The following ERGIC1 variants were observed in gnomAD, a reference collection of about 807,000 sequenced individuals.
The protein encoded by ERGIC1 is endoplasmic reticulum-golgi intermediate compartment 1.
Under a neutral mutation model 38.3 loss-of-function variants are expected in ERGIC1, and 19 were observed. The observed-to-expected ratio is 0.50, with a 90% CI of 0.35 to 0.73. ERGIC1 has a LOEUF of 0.73. Among genes scored for constraint, ERGIC1 ranks in the 30% least tolerant of loss-of-function variants. The pLI is 0.01. For missense variants in ERGIC1, 294 were observed against 389.2 expected, an observed-to-expected ratio of 0.76 and a Z score of 2.06; for synonymous variants, 124 against 157.6, an observed-to-expected ratio of 0.79 and a Z score of 1.60.
At position 172,897,025 on chromosome 5, in the gene ERGIC1, ATCCTCT is replaced by A. The variant is rs1455122830; in HGVS notation, c.119_124del (p.Phe40_Leu41del). On this transcript the variant is annotated inframe_deletion, in exon 3 of 10. Transcript: ENST00000393784. ...AGTCTCCATCTGCTGCTGCCTCTTC[ATCCTCT>A]TCCTCTTCCTCTCGGAGCTCACCGG... 8 of 1,613,826 alleles carry A rather than the reference ATCCTCT, an allele frequency of 5.0e-6. No homozygotes were observed. The highest frequency in any genetic ancestry group is 6.8e-6 in the Non-Finnish European group (8 of 1,179,972).
chr5:172,939,393 T>A (rs1489278850), intron 9 of ERGIC1, among the ~76,000 whole-genome samples: 1 of 152,240 alleles, frequency 6.6e-6, no homozygotes, highest in African/African-American at 2.4e-5. Flanking sequence ...GGAAAGGGAA[T>A]GCTATGCGCA....
chr5:172,867,321 A>G (rs1445379628), intron 1 of ERGIC1: 1 of 420,738 alleles, frequency 2.4e-6, no homozygotes, highest in Non-Finnish European at 4.9e-6. Flanking sequence ...TCCAGTTTGG[A>G]TGAAAGGCCA....
chr5:172,904,782 C>G (rs548877652), intron 3 of ERGIC1, among the ~76,000 whole-genome samples: 2 of 152,084 alleles, frequency 1.3e-5, no homozygotes, highest in Non-Finnish European at 2.9e-5. Context: ...GCCTTGGACA[C>G]GAAGGCGAAG....
At chr5:172,838,235 G>T (rs1327633733) in intron 1 of ERGIC1, among the ~76,000 whole-genome samples, 1 of 152,196 alleles carries the variant, frequency 6.6e-6, no homozygotes, top group African/African-American at 2.4e-5. Flanking sequence ...GCAGGATGAG[G>T]CCCATAATTT....
rs1181268643 is a variant in ERGIC1 at position 172,897,035 on chromosome 5, T to C, written c.116T>C (p.Leu39Pro). 1.2e-6 allele frequency: 2 copies of C among 1,614,182 alleles called. No individual in the cohort carries two copies. The highest frequency in any genetic ancestry group is 1.7e-6 in the Non-Finnish European group (2 of 1,180,020). ...TGCTGCTGCCTCTTCATCCTCTTCC[T>C]CTTCCTCTCGGAGCTCACCGGATTT... ...SICCCLFILF[L>P]FLSELTGFIT... The change falls in exon 3 of 10, where the codon CTC becomes CCC. Residue 39 changes from leucine (L) to proline (P), a missense_variant. By Grantham distance (98) the Leu-to-Pro change is moderately conservative (BLOSUM62 -3). Coordinates refer to ENST00000393784, the MANE Select transcript of ERGIC1 (RefSeq NM_001031711.3).
Position 172,949,333 on chromosome 5 carries a change from G to A in ERGIC1, c.766-1376G>A, listed in dbSNP as rs149982912. On this transcript the variant is annotated intron_variant, in intron 9 of 9. Coordinates refer to ENST00000393784, the MANE Select transcript of ERGIC1 (RefSeq NM_001031711.3). ...TCAGCCACTTGCTGTGGCATTGGAC[G>A]AGGGATTCAGGGTCTCTGTGCCTCA... Among the ~76,000 whole-genome samples the A allele has an allele frequency of 1.4e-4, 21 of 152,282 alleles. No individual in the cohort carries two copies. The East Asian group carries it at 3.5e-3, about 25-fold the overall frequency.
rs1222126242 is a variant in ERGIC1, at chr5:172,938,767, A to G, written c.765+3457A>G. Among the ~76,000 whole-genome samples the G allele has an allele frequency of 5.5e-5, 8 of 144,640 alleles. No homozygotes were observed. The Admixed American group carries it at 5.6e-4, about 10-fold the overall frequency. The allele number at this position is 144,640 out of a possible 152,430, so 94.9% of individuals were successfully genotyped here. On this transcript the variant is annotated intron_variant, in intron 9 of 9. Coordinates refer to ENST00000393784, the MANE Select transcript of ERGIC1 (RefSeq NM_001031711.3). ...GACTCTATCTCAAAAAAAAAAAGAAAAAAAAAAAGAAATCGGCCGGGCACG... is the reference window on the plus strand; with the variant it reads ...GACTCTATCTCAAAAAAAAAAAGAAGAAAAAAAAGAAATCGGCCGGGCACG...
In ERGIC1 at chr5:172,834,580, GC is replaced by G. The variant is rs68060196; in HGVS notation, c.20+156del. 0.26 allele frequency: 137,618 copies of G among 534,136 alleles called. 17,378 individuals are homozygous for G. Among genetic ancestry groups the G allele is most frequent in the African/African-American group, 0.33 (13,688 of 40,882 alleles). The allele number at this position is 534,136 out of a possible 1,614,324, so 33.1% of individuals were successfully genotyped here. ...GCAGGCCCCTAGGGACCCCAGGCGA[GC>G]CCCCCCCCTGCCGCACACGAAGCCA... On this transcript the variant is annotated intron_variant, in intron 1 of 9. Coordinates refer to ENST00000393784, the MANE Select transcript of ERGIC1 (RefSeq NM_001031711.3). The surrounding 1 kb of genome is among the most constrained non-coding windows in gnomAD (Gnocchi z 4.1).
intron 7 of ERGIC1, chr5:172,931,329 A>G (rs1763771210): frequency 6.6e-6 from 1 of 152,168 alleles, no homozygotes; most frequent in Admixed American, 6.5e-5. Context: ...TCAGCAGCTG[A>G]TTCATCTGTG....
chr5:172,893,343 T>C (rs986301599), intron 2 of ERGIC1, among the ~76,000 whole-genome samples: 6 of 152,164 alleles, frequency 3.9e-5, no homozygotes, highest in Admixed American at 6.5e-5. Context: ...AGATGGGTTT[T>C]CACCGTGTTG....
intron 1 of ERGIC1, among the ~76,000 whole-genome samples, chr5:172,878,957 C>G (rs935687253): frequency 6.6e-6 from 1 of 152,190 alleles, no homozygotes; most frequent in Non-Finnish European, 1.5e-5. Context: ...CCAGGGCTGA[C>G]CAGCCAGAGT....
rs568786771 is a variant in ERGIC1 at position 172,891,580 on chromosome 5, C to T, written c.82+2820C>T. Among the ~76,000 whole-genome samples, 9 of 151,980 alleles carry T rather than the reference C, an allele frequency of 5.9e-5. No individual in the cohort carries two copies. The South Asian group carries it at 6.2e-4, about 11-fold the overall frequency. On this transcript the variant is annotated intron_variant, in intron 2 of 9. Transcript: ENST00000393784. ...CAGCCTCCCCGAGTAGCTGGGACTA[C>T]GGATGCCCACCACCATGCCAAGCTA...
chr5:172,922,663 C>T (rs956275479), intron 5 of ERGIC1, among the ~76,000 whole-genome samples: 2 of 152,326 alleles, frequency 1.3e-5, no homozygotes, highest in Middle Eastern at 6.8e-3. Context: ...CAGGAAGCAG[C>T]AGAGGACACA....
At chr5:172,902,836 G>T (rs1242126681) in intron 3 of ERGIC1, among the ~76,000 whole-genome samples, 1 of 151,976 alleles carries the variant, frequency 6.6e-6, no homozygotes, top group African/African-American at 2.4e-5. Context: ...AAGCATAGAG[G>T]TCAGAGACTT....
At chr5:172,920,108 C>T (rs1248950227) in intron 5 of ERGIC1, among the ~76,000 whole-genome samples, 1 of 152,186 alleles carries the variant, frequency 6.6e-6, no homozygotes, top group Admixed American at 6.5e-5. Context: ...CTTGGTTACA[C>T]ATGTCATGAC....
At chr5:172,912,666 C>T (rs1323978588) in intron 4 of ERGIC1, among the ~76,000 whole-genome samples, 2 of 152,144 alleles carry the variant, frequency 1.3e-5, no homozygotes, top group African/African-American at 2.4e-5. Context: ...GGATTACAGG[C>T]GTGAGCCACC....
intron 9 of ERGIC1, among the ~76,000 whole-genome samples, chr5:172,944,077 TC>T (rs1337093585): frequency 6.6e-6 from 1 of 152,176 alleles, no homozygotes; most frequent in Admixed American, 6.5e-5. Context: ...GAATGCCACT[TC>T]CTGCACTGCC....
intron 1 of ERGIC1, among the ~76,000 whole-genome samples, chr5:172,888,266 C>T (rs1460310091): frequency 1.3e-5 from 2 of 152,012 alleles, no homozygotes; most frequent in Non-Finnish European, 2.9e-5. Context: ...TCGAGACCAG[C>T]CTGGGCAACA....
intron 1 of ERGIC1, among the ~76,000 whole-genome samples, chr5:172,860,961 G>A (rs1761682745): frequency 6.6e-6 from 1 of 152,164 alleles, no homozygotes; most frequent in Non-Finnish European, 1.5e-5. Context: ...GACCGGCCCT[G>A]GCACTGACTG....
Sources: allele counts gnomAD v4.1 joint callset (sites outside exome capture counted in the v4.1 genomes callset), GRCh38; gene constraint gnomAD v4.1.1; non-coding constraint Gnocchi (gnomAD v3.1); transcripts MANE v1.5; gene names NCBI Gene and HGNC (gene_info 2026-07-23, HGNC 2026-07-21).